PLXNC1: variants seen among roughly 807,000 people sequenced by gnomAD.
The protein encoded by PLXNC1 is plexin-C1.
In PLXNC1, 75 loss-of-function variants were observed where a neutral mutation model predicts 178.2. The observed-to-expected ratio is 0.42, with a 90% CI of 0.35 to 0.51. The LOEUF (loss-of-function observed/expected upper bound fraction) is 0.51. PLXNC1 is among the 20% of genes least tolerant of loss of function. PLXNC1 has a pLI of 0.02. For missense variants in PLXNC1, 1,503 were observed against 1,984.4 expected, an observed-to-expected ratio of 0.76 and a Z score of 4.61; for synonymous variants, 790 against 779.9, an observed-to-expected ratio of 1.01 and a Z score of -0.22.
intron 12 of PLXNC1, among the ~76,000 whole-genome samples, chr12:94,246,688 C>G (rs548325137): frequency 5.6e-4 from 85 of 152,242 alleles, no homozygotes; most frequent in Middle Eastern, 6.8e-3. Flanking sequence ...AAAAAGCCAG[C>G]CTGCTAGGAG....
At chr12:94,188,654 C>T (rs934979653) in intron 4 of PLXNC1, among the ~76,000 whole-genome samples, 23 of 152,198 alleles carry the variant, frequency 1.5e-4, no homozygotes, top group African/African-American at 5.5e-4. Flanking sequence ...CATGAAATAA[C>T]AGTGCATGTC....
chr12:94,303,941 G>A lies in PLXNC1; in HGVS notation c.4528-36G>A, dbSNP rs142381452. The A allele has an allele frequency of 1.2e-4, 192 of 1,606,864 alleles. 3 individuals are homozygous for A. In the East Asian group the frequency reaches 2.6e-3, roughly 22 times the overall value. On this transcript the variant is annotated intron_variant, in intron 29 of 30. Coordinates refer to ENST00000258526, the MANE Select transcript of PLXNC1 (RefSeq NM_005761.3). ...ATAAGCTTATATTTGGTTACTTTAC[G>A]TCATTTCAGAATCTCTCAACAAGTC...
intron 21 of PLXNC1, among the ~76,000 whole-genome samples, chr12:94,267,625 G>T (rs1029903202): frequency 6.6e-6 from 1 of 152,220 alleles, no homozygotes; most frequent in African/African-American, 2.4e-5. Context: ...CTTTAAAAAT[G>T]ATTGTTAGTG....
At chr12:94,216,268 C>CAAAA (rs11368474) in intron 5 of PLXNC1, among the ~76,000 whole-genome samples, 1 of 145,560 alleles carries the variant, frequency 6.9e-6, no homozygotes, top group African/African-American at 2.5e-5. Flanking sequence ...AACTGTGTCT[C>CAAAA]AAAAAAAAAA....
At chr12:94,229,472 A>G (rs916956629) in intron 9 of PLXNC1, among the ~76,000 whole-genome samples, 4 of 152,178 alleles carry the variant, frequency 2.6e-5, no homozygotes, top group African/African-American at 9.7e-5. Flanking sequence ...CCAATAAATC[A>G]TTGCCAAATT....
chr12:94,216,222 C>T (rs1022604172), intron 5 of PLXNC1, among the ~76,000 whole-genome samples: 11 of 150,854 alleles, frequency 7.3e-5, no homozygotes, highest in South Asian at 2.1e-4. Flanking sequence ...GAACCAAGAT[C>T]GTGCCATTGC....
At chr12:94,226,424 G>A (rs754553499) in intron 7 of PLXNC1, 181 bp from the exon 8 acceptor site, 8 of 535,726 alleles carry the variant, frequency 1.5e-5, no homozygotes, top group South Asian at 2.1e-5. Flanking sequence ...GTGCCATTCC[G>A]GCCCATCAAC....
At chr12:94,178,190 C>T (rs1253245671) in intron 2 of PLXNC1, among the ~76,000 whole-genome samples, 1 of 152,158 alleles carries the variant, frequency 6.6e-6, no homozygotes, top group African/African-American at 2.4e-5. Context: ...AGGTATTTTG[C>T]CCTATAGAAT....
At chr12:94,275,838 G>A (rs1965909232) in intron 21 of PLXNC1, among the ~76,000 whole-genome samples, 1 of 65,556 alleles carries the variant, frequency 1.5e-5, no homozygotes, top group Non-Finnish European at 2.7e-5. Flanking sequence ...CTGGGCGACA[G>A]AGCGAGACTC....
At chr12:94,183,635 A>T (rs73364617) in intron 3 of PLXNC1, among the ~76,000 whole-genome samples, 4,233 of 152,288 alleles carry the variant, frequency 0.028, 214 homozygotes, top group African/African-American at 0.097. Flanking sequence ...AGCTGTCTGA[A>T]ATATTGCAAA....
chr12:94,243,455 T>A (rs1408666886), intron 11 of PLXNC1, among the ~76,000 whole-genome samples: 2 of 152,242 alleles, frequency 1.3e-5, no homozygotes, highest in African/African-American at 2.4e-5. Flanking sequence ...ACTTTGCATG[T>A]CATCTGTAAT....
chr12:94,244,068 TG>T (rs1483966144), intron 12 of PLXNC1, 43 bp downstream of exon 12: 2 of 1,218,302 alleles, frequency 1.6e-6, no homozygotes, highest in Admixed American at 3.5e-5. Context: ...TTTTCAAGGA[TG>T]GTTCTATTTT....
chr12:94,165,405 T>C (rs1323752178), intron 1 of PLXNC1, among the ~76,000 whole-genome samples: 1 of 152,194 alleles, frequency 6.6e-6, no homozygotes, highest in East Asian at 1.9e-4. Flanking sequence ...CCATTTCCAT[T>C]CAGCCAGAGC....
intron 1 of PLXNC1, among the ~76,000 whole-genome samples, chr12:94,154,874 A>G (rs927548573): frequency 6.6e-6 from 1 of 152,224 alleles, no homozygotes; most frequent in Non-Finnish European, 1.5e-5. Flanking sequence ...CATACCTAGC[A>G]TAGTACCCAG....
At chr12:94,276,034 T>A (rs899422372) in intron 21 of PLXNC1, among the ~76,000 whole-genome samples, 3 of 152,222 alleles carry the variant, frequency 2.0e-5, no homozygotes, top group African/African-American at 7.2e-5. Flanking sequence ...GTGGCAGATT[T>A]ACATTATTTT....
intron 2 of PLXNC1, among the ~76,000 whole-genome samples, chr12:94,172,168 A>C (rs1004780016): frequency 6.6e-6 from 1 of 152,138 alleles, no homozygotes; most frequent in African/African-American, 2.4e-5. Context: ...AGCGTGGGGG[A>C]ACTAATGAGC....
intron 25 of PLXNC1, 22 bp downstream of exon 25, chr12:94,297,242 C>T: frequency 6.2e-7 from 1 of 1,613,836 alleles, no homozygotes; most frequent in South Asian, 1.1e-5. Flanking sequence ...CTTTCTTGTG[C>T]TCACCACTGA....
intron 1 of PLXNC1, among the ~76,000 whole-genome samples, chr12:94,153,602 C>T (rs1961041840): frequency 6.6e-6 from 1 of 152,132 alleles, no homozygotes; most frequent in African/African-American, 2.4e-5. Flanking sequence ...GTTTGGCCAC[C>T]ATTGTTGGGT....
chr12:94,217,669 C>T (rs911385305), intron 5 of PLXNC1, among the ~76,000 whole-genome samples: 5 of 152,218 alleles, frequency 3.3e-5, no homozygotes, highest in Admixed American at 2.0e-4. Flanking sequence ...ACTTCCAGTC[C>T]TGCCCCATGC....
Sources: allele counts gnomAD v4.1 joint callset (sites outside exome capture counted in the v4.1 genomes callset), GRCh38; gene constraint gnomAD v4.1.1; transcripts MANE v1.5; gene names NCBI Gene and HGNC (gene_info 2026-07-23, HGNC 2026-07-21).